RUNDC3B: variants seen among roughly 807,000 people sequenced by gnomAD.
RUNDC3B encodes the protein RUN domain-containing protein 3B.
RUNDC3B carries 33 observed loss-of-function variants against 58.4 expected under a neutral mutation model. The ratio of observed to expected loss-of-function variants is 0.56; its 90% CI spans 0.43 to 0.75. The LOEUF is 0.75. Ranked by LOEUF, RUNDC3B falls within the 30% of genes least tolerant of loss-of-function variation. The pLI, the probability that RUNDC3B is intolerant of heterozygous loss-of-function variation, is 0.00. For missense variants in RUNDC3B, 501 were observed against 535.7 expected (o/e 0.94, Z 0.64); for synonymous variants, 193 against 195.2 (o/e 0.99, Z 0.10).
chr7:87,676,032 C>T (rs946191339), intron 2 of RUNDC3B, among the ~76,000 whole-genome samples: 1 of 151,986 alleles, frequency 6.6e-6, no homozygotes, highest in Admixed American at 6.6e-5. Flanking sequence ...TTGAGATCTA[C>T]CTGGGCAACA....
At chr7:87,665,572 A>G (rs904985863) in intron 2 of RUNDC3B, among the ~76,000 whole-genome samples, 10 of 152,248 alleles carry the variant, frequency 6.6e-5, no homozygotes, top group African/African-American at 2.4e-4. Context: ...TCAAGGGTAC[A>G]TGTGCAGGTT....
At chr7:87,794,914 T>A (rs1360984433) in intron 8 of RUNDC3B, among the ~76,000 whole-genome samples, 1 of 152,098 alleles carries the variant, frequency 6.6e-6, no homozygotes, top group Non-Finnish European at 1.5e-5. Context: ...AAACCAGATA[T>A]CCGTATACTG....
At chr7:87,664,106 T>A (rs1824990702) in intron 2 of RUNDC3B, among the ~76,000 whole-genome samples, 1 of 152,174 alleles carries the variant, frequency 6.6e-6, no homozygotes, top group Non-Finnish European at 1.5e-5. Context: ...TATATCTTCT[T>A]GTCTCTGTGC....
chr7:87,777,190 C>T (rs1339135649), intron 7 of RUNDC3B, among the ~76,000 whole-genome samples: 5 of 152,128 alleles, frequency 3.3e-5, no homozygotes, highest in African/African-American at 1.2e-4. Flanking sequence ...TTATACATTG[C>T]ATGCAGTGTA....
At position 87,650,811 on chromosome 7, in the gene RUNDC3B, T is replaced by C. The variant is rs1823499560; in HGVS notation, c.123-11T>C. ...CTCTGCCTAAAAGCAACAATAATCTTTTTTTCATAGGTTTTCTGTGAAGAC... is the reference window on the plus strand; with the variant it reads ...CTCTGCCTAAAAGCAACAATAATCTCTTTTTCATAGGTTTTCTGTGAAGAC... On this transcript the variant is annotated splice_polypyrimidine_tract_variant and intron_variant, in intron 1 of 10. Coordinates refer to ENST00000394654, the MANE Select transcript of RUNDC3B (RefSeq NM_001134405.2). The C allele has an allele frequency of 6.4e-7, 1 of 1,552,732 alleles. No homozygotes were observed. The highest frequency in any genetic ancestry group is 8.9e-7 in the Non-Finnish European group (1 of 1,124,646).
chr7:87,778,011 G>A, intron 8 of RUNDC3B, 56 bp downstream of exon 8: 1 of 1,472,364 alleles, frequency 6.8e-7, no homozygotes, highest in Non-Finnish European at 9.2e-7. Flanking sequence ...AAGACAAAAT[G>A]TCGTGTTTTG....
chr7:87,744,292 T>C (rs55990608), intron 6 of RUNDC3B, among the ~76,000 whole-genome samples: 2,073 of 152,214 alleles, frequency 0.014, 49 homozygotes, highest in African/African-American at 0.047. Flanking sequence ...TTTGGCTATG[T>C]GGGTTCTTTT....
chr7:87,819,383 A>T (rs910504104), intron 10 of RUNDC3B, among the ~76,000 whole-genome samples: 1 of 152,172 alleles, frequency 6.6e-6, no homozygotes, highest in Non-Finnish European at 1.5e-5. Flanking sequence ...CCAGATTCAT[A>T]AAGCAAGTCC....
chr7:87,662,028 C>T (rs1242611985), intron 2 of RUNDC3B, among the ~76,000 whole-genome samples: 2 of 151,992 alleles, frequency 1.3e-5, no homozygotes, highest in Non-Finnish European at 2.9e-5. Context: ...ATTTCATATA[C>T]CTGTTTGCCA....
rs750267667 is a variant in RUNDC3B, at chr7:87,770,675, C to A, written c.724C>A (p.Leu242Ile). The A allele has an allele frequency of 7.4e-6, 12 of 1,613,682 alleles. No individual in the cohort carries two copies. The South Asian group carries it at 9.9e-5, about 13-fold the overall frequency. The change falls in exon 7 of 11, where the codon CTC becomes ATC. Residue 242 changes from leucine (L) to isoleucine (I), a missense_variant. Physicochemically the swap from Leu to Ile is conservative, Grantham distance 5. Coordinates refer to ENST00000394654, the MANE Select transcript of RUNDC3B (RefSeq NM_001134405.2). ...STPENVGPPF[L>I]MDENSWFNKC... ...TCCAGAGAATGTCGGACCTCCTTTC[C>A]TCATGGATGAGAACAGTTGGTTCAA... is the stretch of plus-strand genomic sequence containing the variant.
rs919194890 is a variant in RUNDC3B, at chr7:87,752,312, T to C, written c.629+10733T>C. ...TTGAGGATTTTTGCATCAATGTTCA[T>C]CAAGGATATTGGTCTAGAATTCTCT... On this transcript the variant is annotated intron_variant, in intron 6 of 10. Transcript: ENST00000394654. Among the ~76,000 whole-genome samples the C allele has an allele frequency of 1.0e-3, 159 of 152,198 alleles. 1 individual carries two copies. Among genetic ancestry groups the C allele is most frequent in the Non-Finnish European group, 1.7e-3 (113 of 68,052 alleles).
chr7:87,659,531 A>T (rs1346673509), intron 2 of RUNDC3B, among the ~76,000 whole-genome samples: 6 of 152,110 alleles, frequency 3.9e-5, no homozygotes, highest in Non-Finnish European at 8.8e-5. Context: ...TCCTCTACAT[A>T]CATATAGGAC....
chr7:87,687,981 T>G (rs1304625680), intron 2 of RUNDC3B, among the ~76,000 whole-genome samples: 13 of 152,174 alleles, frequency 8.5e-5, no homozygotes, highest in Middle Eastern at 3.2e-3. Flanking sequence ...ACTTAAATTG[T>G]TTCTGTAGTA....
chr7:87,768,243 G>A (rs955998469), intron 6 of RUNDC3B, among the ~76,000 whole-genome samples: 15 of 152,206 alleles, frequency 9.9e-5, no homozygotes, highest in African/African-American at 3.1e-4. Flanking sequence ...TCAGGCAGGA[G>A]AGAAGTTGCA....
At chr7:87,778,172 G>C (rs1261134200) in intron 8 of RUNDC3B, among the ~76,000 whole-genome samples, 1 of 152,168 alleles carries the variant, frequency 6.6e-6, no homozygotes, top group Non-Finnish European at 1.5e-5. Context: ...GCCTGGTGCA[G>C]TGGCTCATAT....
At chr7:87,679,389 G>T (rs545263154) in intron 2 of RUNDC3B, among the ~76,000 whole-genome samples, 1 of 149,290 alleles carries the variant, frequency 6.7e-6, no homozygotes, top group Admixed American at 6.7e-5. Flanking sequence ...CACCGTGCCC[G>T]GCCCCCAACT....
Position 87,710,605 on chromosome 7 carries a change from A to G in RUNDC3B, c.408A>G (p.Lys136=). 1 of 1,603,792 alleles carries G rather than the reference A, an allele frequency of 6.2e-7. No homozygotes were observed. The highest frequency in any genetic ancestry group is 2.2e-5 in the East Asian group (1 of 44,590). ...RAWIRVALME[K]HLSEYISTAL... ...GGATCAGAGTAGCACTCATGGAAAA[A>G]CATTTATCTGAATACATCTCTACAG... is the stretch of plus-strand genomic sequence containing the variant. The change falls in exon 4 of 11, where the codon AAA becomes AAG. Residue 136 remains lysine (K), a synonymous_variant. Transcript: ENST00000394654.
intron 6 of RUNDC3B, among the ~76,000 whole-genome samples, chr7:87,750,039 C>T (rs1173163054): frequency 6.6e-6 from 1 of 152,110 alleles, no homozygotes; most frequent in South Asian, 2.1e-4. Flanking sequence ...TCCCCCCACC[C>T]CACAACAGGT....
At chr7:87,818,690 G>A (rs1345018052) in intron 10 of RUNDC3B, among the ~76,000 whole-genome samples, 1 of 152,132 alleles carries the variant, frequency 6.6e-6, no homozygotes, top group Non-Finnish European at 1.5e-5. Context: ...TCATGCTCCT[G>A]TAACAAGCTG....
Sources: gnomAD v4.1 joint callset for allele counts (sites outside exome capture counted in the v4.1 genomes callset) on GRCh38, gnomAD v4.1.1 for gene constraint, MANE v1.5 for transcripts, NCBI Gene and HGNC (gene_info 2026-07-23, HGNC 2026-07-21) for gene names.